The following SMG6 variants were observed in gnomAD, a reference collection of about 807,000 sequenced individuals.
The protein encoded by SMG6 is telomerase-binding protein EST1A.
In SMG6, 66 loss-of-function variants were observed where a neutral mutation model predicts 142.2. The ratio of observed to expected loss-of-function variants is 0.46; its 90% CI spans 0.38 to 0.57. SMG6 has a LOEUF of 0.57. Among genes scored for constraint, SMG6 ranks in the 20% least tolerant of loss-of-function variants. The pLI, the probability that SMG6 is intolerant of heterozygous loss-of-function variation, is 0.00. For missense variants in SMG6, 1,793 were observed against 1,832.0 expected (o/e 0.98, Z 0.39); for synonymous variants, 779 against 702.4 (o/e 1.11, Z -1.72).
intron 13 of SMG6, among the ~76,000 whole-genome samples, chr17:2,162,038 G>A (rs1039916422): frequency 6.6e-6 from 1 of 152,128 alleles, no homozygotes; most frequent in Non-Finnish European, 1.5e-5. Context: ...ACAGATAAAA[G>A]TCAATAACTT....
rs530398834 is a variant in SMG6 at position 2,068,718 on chromosome 17, G to A, written c.3835+60C>T. 2.4e-5 allele frequency: 37 copies of A among 1,556,760 alleles called. No individual in the cohort carries two copies. The East Asian group carries it at 4.1e-4, about 17-fold the overall frequency. On this transcript the variant is annotated intron_variant, in intron 16 of 18. Transcript: ENST00000263073. The surrounding 1 kb of genome is among the most constrained non-coding windows in gnomAD (Gnocchi z 6.7). ...CTGCCTGGCCCCCAGGCCGTGGGGC[G>A]TGTGTGGAGGGGGCTGCTGTGCACA...
intron 11 of SMG6, 29 bp downstream of exon 11, chr17:2,188,370 C>T: frequency 6.3e-7 from 1 of 1,599,528 alleles, no homozygotes; most frequent in Non-Finnish European, 8.6e-7. Context: ...ACTGGAAAGC[C>T]CACCAGGCTG....
intron 10 of SMG6, among the ~76,000 whole-genome samples, chr17:2,225,339 G>GAAA (rs1299267889): frequency 2.2e-5 from 3 of 134,332 alleles, no homozygotes; most frequent in Non-Finnish European, 3.2e-5. Flanking sequence ...AAGAAAAAAA[G>GAAA]AAAAAAAAAA....
intron 12 of SMG6, among the ~76,000 whole-genome samples, chr17:2,174,238 A>C (rs987313208): frequency 3.9e-5 from 6 of 152,206 alleles, no homozygotes; most frequent in African/African-American, 9.6e-5. Context: ...CTTGCTAAAA[A>C]CAACAAAGAA....
At chr17:2,280,552 C>T (rs141204918) in intron 8 of SMG6, 13 of 980,628 alleles carry the variant, frequency 1.3e-5, no homozygotes, top group East Asian at 1.1e-4. Context: ...CGTAAGCCAC[C>T]GCGTCAGGCC....
At chr17:2,116,290 G>T (rs2151506474) in intron 13 of SMG6, among the ~76,000 whole-genome samples, 1 of 152,066 alleles carries the variant, frequency 6.6e-6, no homozygotes, top group East Asian at 1.9e-4. Flanking sequence ...TGTTGCCCAG[G>T]CTGGTACTGA....
chr17:2,175,858 T>C (rs1270896140), intron 12 of SMG6, among the ~76,000 whole-genome samples: 3 of 152,164 alleles, frequency 2.0e-5, no homozygotes, highest in East Asian at 1.9e-4. Flanking sequence ...TGTGCTCTGA[T>C]TGTGAGTAGC....
intron 12 of SMG6, among the ~76,000 whole-genome samples, chr17:2,176,234 T>A (rs543901973): frequency 5.1e-4 from 78 of 152,338 alleles, no homozygotes; most frequent in Non-Finnish European, 9.8e-4. Flanking sequence ...AGCTTTTTCC[T>A]GCTTTAATTC....
intron 8 of SMG6, among the ~76,000 whole-genome samples, chr17:2,281,901 C>A (rs1477748477): frequency 6.6e-6 from 1 of 152,152 alleles, no homozygotes; most frequent in Admixed American, 6.5e-5. Flanking sequence ...CACTTTACCA[C>A]CTCCCTTTCC....
At chr17:2,161,274 T>C (rs1038160656) in intron 13 of SMG6, among the ~76,000 whole-genome samples, 1 of 151,988 alleles carries the variant, frequency 6.6e-6, no homozygotes, top group Non-Finnish European at 1.5e-5. Flanking sequence ...CTGGCTAATT[T>C]TGTACTTTTA....
At chr17:2,288,989 G>A (rs1218199920) in intron 6 of SMG6, among the ~76,000 whole-genome samples, 1 of 150,164 alleles carries the variant, frequency 6.7e-6, no homozygotes, top group African/African-American at 2.5e-5. Flanking sequence ...TGAGGCAGGA[G>A]AATGGCGTGA....
chr17:2,263,776 C>T (rs1247626856), intron 8 of SMG6, among the ~76,000 whole-genome samples: 2 of 152,088 alleles, frequency 1.3e-5, no homozygotes, highest in Non-Finnish European at 2.9e-5. Context: ...AACAAACAGC[C>T]CGCAGACTGG....
At chr17:2,145,356 A>G (rs2070632374) in intron 13 of SMG6, among the ~76,000 whole-genome samples, 2 of 151,692 alleles carry the variant, frequency 1.3e-5, no homozygotes, top group South Asian at 4.2e-4. Context: ...AGCTCAGGCA[A>G]TCCACCTGCC....
At chr17:2,104,921 C>A (rs1159692533) in intron 13 of SMG6, among the ~76,000 whole-genome samples, 1 of 151,676 alleles carries the variant, frequency 6.6e-6, no homozygotes. Context: ...TACTTCAAGT[C>A]ATCTTTTTTT....
chr17:2,110,873 T>C (rs1597398989), intron 13 of SMG6, among the ~76,000 whole-genome samples: 1 of 152,222 alleles, frequency 6.6e-6, no homozygotes, highest in East Asian at 1.9e-4. Flanking sequence ...AAGAGTGCTA[T>C]ATATGTATTT....
At chr17:2,161,115 T>G (rs1414878091) in intron 13 of SMG6, among the ~76,000 whole-genome samples, 1 of 151,186 alleles carries the variant, frequency 6.6e-6, no homozygotes, top group East Asian at 1.9e-4. Flanking sequence ...CTTTTTTTTT[T>G]TTTTTTTTAG....
chr17:2,081,680 G>C (rs1018292086), intron 15 of SMG6, 130 bp downstream of exon 15: 2 of 1,113,876 alleles, frequency 1.8e-6, no homozygotes, highest in Non-Finnish European at 2.6e-6. Flanking sequence ...AAAACGGGTA[G>C]AGCTAGAGAG....
chr17:2,192,716 G>A (rs561260889), intron 10 of SMG6, among the ~76,000 whole-genome samples: 51 of 152,290 alleles, frequency 3.3e-4, no homozygotes, highest in African/African-American at 1.1e-3. Flanking sequence ...GGCTGGCACA[G>A]TTCCTAAGCA....
intron 13 of SMG6, chr17:2,087,339 G>A: frequency 8.3e-7 from 1 of 1,208,592 alleles, no homozygotes; most frequent in East Asian, 5.8e-5. Flanking sequence ...GTGCAGGCTG[G>A]CTGCCCAGGA....
Sources: gnomAD v4.1 joint callset for allele counts (sites outside exome capture counted in the v4.1 genomes callset) on GRCh38, gnomAD v4.1.1 for gene constraint, Gnocchi (gnomAD v3.1) non-coding constraint, MANE v1.5 for transcripts, NCBI Gene and HGNC (gene_info 2026-07-23, HGNC 2026-07-21) for gene names.